Variants in WBP2NL observed in about 807,000 individuals in gnomAD.
WBP2NL encodes postacrosomal sheath WW domain-binding protein.
In WBP2NL, 27 loss-of-function variants were observed where a neutral mutation model predicts 23.3. The observed-to-expected ratio is 1.16, with a 90% CI of 0.85 to 1.60. The LOEUF is 1.60. Ranked by LOEUF, WBP2NL falls within the 40% of genes most tolerant of loss-of-function variation. The pLI is 0.00. For missense variants in WBP2NL, 370 were observed against 389.5 expected (o/e 0.95, Z 0.42); for synonymous variants, 151 against 145.9 (o/e 1.03, Z -0.25).
In WBP2NL at chr22:42,026,971, C is replaced by A; in HGVS notation, c.720C>A (p.Ala240=). The change falls in exon 6 of 6, where the codon GCC becomes GCA. Residue 240 remains alanine, a synonymous_variant. Transcript: ENST00000328823. ...GYGAPPLGYG[A]PPLGYGTPPL... The stretch of plus-strand genomic sequence containing the variant: ...GAGCCCCACCTCTAGGATATGGAGC[C>A]CCACCTCTTGGATATGGAACCCCAC... The A allele has an allele frequency of 1.2e-6, 2 of 1,613,234 alleles. No homozygotes were observed. The highest frequency in any genetic ancestry group is 8.5e-7 in the Non-Finnish European group (1 of 1,179,566).
intron 8 of WBP2NL, among the ~76,000 whole-genome samples, chr22:42,046,115 A>G (rs1925577656): frequency 6.6e-6 from 1 of 152,264 alleles, no homozygotes; most frequent in Non-Finnish European, 1.5e-5. Flanking sequence ...AAAATGGTAC[A>G]TCCATAATCA....
intron 8 of WBP2NL, among the ~76,000 whole-genome samples, chr22:42,038,998 T>C (rs1454753713): frequency 2.6e-5 from 4 of 151,744 alleles, no homozygotes; most frequent in Admixed American, 2.0e-4. Context: ...CTCAATCTCC[T>C]GGGCTCAGGT....
At chr22:42,013,511 G>A (rs1027413021) in intron 1 of WBP2NL, among the ~76,000 whole-genome samples, 1 of 152,112 alleles carries the variant, frequency 6.6e-6, no homozygotes, top group Admixed American at 6.5e-5. Flanking sequence ...TCAATAATTT[G>A]ATTATAATGC....
intron 8 of WBP2NL, among the ~76,000 whole-genome samples, chr22:42,038,480 T>A (rs546334174): frequency 1.1e-4 from 17 of 152,366 alleles, no homozygotes; most frequent in African/African-American, 4.1e-4. Flanking sequence ...GCTGACTTTA[T>A]AAAATGAGTT....
At chr22:42,002,262 G>C (rs9623490) in intron 1 of WBP2NL, among the ~76,000 whole-genome samples, 44,417 of 152,062 alleles carry the variant, frequency 0.29, 6,973 homozygotes, top group Admixed American at 0.37. Flanking sequence ...ACTGTTCTTA[G>C]TTCTAAGAGC....
chr22:42,040,074 G>C (rs1472010018), intron 8 of WBP2NL, among the ~76,000 whole-genome samples: 1 of 150,940 alleles, frequency 6.6e-6, no homozygotes, highest in East Asian at 1.9e-4. Flanking sequence ...ACCATACCCG[G>C]CTAATTTTTT....
chr22:42,055,200 T>C (rs183996898), intron 8 of WBP2NL, among the ~76,000 whole-genome samples: 2 of 151,652 alleles, frequency 1.3e-5, no homozygotes, highest in Non-Finnish European at 2.9e-5. Context: ...TTTTTGAGAC[T>C]GAGTCTCGCT....
intron 4 of WBP2NL, among the ~76,000 whole-genome samples, chr22:42,020,879 TATATATATATATATATATATATATATATA>T (rs1923861640): frequency 6.8e-4 from 14 of 20,652 alleles, no homozygotes; most frequent in African/African-American, 7.1e-4. Flanking sequence ...TATATATATA[TATATATATATATATATATATATATATATA>T]TTTTTTTTTT....
At chr22:42,049,976 CAAAAAAAAAAAA>C (rs34787117) in intron 8 of WBP2NL, among the ~76,000 whole-genome samples, 6 of 84,414 alleles carry the variant, frequency 7.1e-5, no homozygotes, top group African/African-American at 1.9e-4. Flanking sequence ...GACTCCGTCT[CAAAAAAAAAAAA>C]AAAAAAAAAA....
At chr22:42,000,391 A>G (rs543331686) in intron 1 of WBP2NL, among the ~76,000 whole-genome samples, 1 of 152,186 alleles carries the variant, frequency 6.6e-6, no homozygotes, top group East Asian at 1.9e-4. Context: ...CCATTTGAGC[A>G]CTTGTCATTC....
chr22:42,040,935 A>AT (rs560865272), intron 8 of WBP2NL, among the ~76,000 whole-genome samples: 275 of 152,326 alleles, frequency 1.8e-3, no homozygotes, highest in African/African-American at 6.4e-3. Context: ...GTATAGTGTT[A>AT]TTCAAATCAG....
chr22:42,017,397 A>T (rs1254099464), intron 1 of WBP2NL, among the ~76,000 whole-genome samples: 1 of 152,210 alleles, frequency 6.6e-6, no homozygotes, highest in African/African-American at 2.4e-5. Context: ...GGCGTGAGCC[A>T]CTGTGCCCAG....
chr22:42,040,160 G>A (rs998319433), intron 8 of WBP2NL, among the ~76,000 whole-genome samples: 91 of 151,642 alleles, frequency 6.0e-4, no homozygotes, highest in Admixed American at 5.7e-3. Context: ...TGATCCACCC[G>A]CCTTGGCCTC....
chr22:42,006,164 A>C (rs1385629744), intron 1 of WBP2NL, among the ~76,000 whole-genome samples: 1 of 152,152 alleles, frequency 6.6e-6, no homozygotes, highest in Non-Finnish European at 1.5e-5. Context: ...TTTTGATGGG[A>C]AATCATTAGG....
intron 1 of WBP2NL, among the ~76,000 whole-genome samples, chr22:41,999,393 A>T (rs993142910): frequency 6.6e-6 from 1 of 152,178 alleles, no homozygotes; most frequent in African/African-American, 2.4e-5. Context: ...AAAGATCTCA[A>T]ACTGTTGTGG....
At chr22:42,040,925 G>A (rs1569453980) in intron 8 of WBP2NL, among the ~76,000 whole-genome samples, 1 of 152,214 alleles carries the variant, frequency 6.6e-6, no homozygotes, top group South Asian at 2.1e-4. Context: ...TCCATTTGGT[G>A]TATAGTGTTA....
chr22:42,044,613 G>C (rs1277292482), intron 8 of WBP2NL, among the ~76,000 whole-genome samples: 1 of 152,114 alleles, frequency 6.6e-6, no homozygotes, highest in African/African-American at 2.4e-5. Context: ...GACTAGCCTG[G>C]GCAACGAGGG....
rs538944407 is a variant in WBP2NL at position 42,008,936 on chromosome 22, G to A, written c.62+10056G>A. ...TGGGACTACAGGTGTCCACCACCAC[G>A]CCCGGCTAATTTTTTCTATTTTTTA... On this transcript the variant is annotated intron_variant, in intron 1 of 5. Coordinates refer to ENST00000328823, the MANE Select transcript of WBP2NL (RefSeq NM_152613.3). 2.6e-5 allele frequency among the ~76,000 whole-genome samples: 4 copies of A among 152,168 alleles called. No homozygotes were observed. In the East Asian group the frequency reaches 5.8e-4, roughly 22 times the overall value.
chr22:42,001,299 C>T (rs1249885368), intron 1 of WBP2NL: 8 of 688,660 alleles, frequency 1.2e-5, no homozygotes, highest in South Asian at 6.5e-5. Context: ...AACCCAGCAA[C>T]GGCAGTGACA....
Sources: gnomAD v4.1 joint callset for allele counts (sites outside exome capture counted in the v4.1 genomes callset) on GRCh38, gnomAD v4.1.1 for gene constraint, MANE v1.5 for transcripts, NCBI Gene and HGNC (gene_info 2026-07-23, HGNC 2026-07-21) for gene names.